The following CASZ1 variants were observed in gnomAD, a reference collection of about 807,000 sequenced individuals.
CASZ1 encodes zinc finger protein castor homolog 1.
A neutral mutation model predicts 135.2 loss-of-function variants in CASZ1; 28 were observed. The ratio of observed to expected loss-of-function variants is 0.21; its 90% CI spans 0.15 to 0.28. The LOEUF is 0.28. CASZ1 is among the 10% of genes least tolerant of loss of function. The pLI, the probability that CASZ1 is intolerant of heterozygous loss-of-function variation, is 1.00. For missense variants in CASZ1, 2,161 were observed against 2,453.3 expected (o/e 0.88, Z 2.52); for synonymous variants, 1,068 against 1,073.4 (o/e 0.99, Z 0.10).
intron 2 of CASZ1, among the ~76,000 whole-genome samples, chr1:10,708,135 G>A (rs1168499112): frequency 1.3e-5 from 2 of 152,220 alleles, no homozygotes; most frequent in African/African-American, 4.8e-5. Context: ...CTGTCCAGAG[G>A]TAGATGGCAA....
At chr1:10,669,837 T>C (rs1643349674) in intron 4 of CASZ1, among the ~76,000 whole-genome samples, 1 of 152,162 alleles carries the variant, frequency 6.6e-6, no homozygotes, top group Admixed American at 6.5e-5. Flanking sequence ...TAATGTGTTC[T>C]GGGGCCGGGC....
In CASZ1 at chr1:10,721,018, GC is replaced by G. The variant is rs1449863438; in HGVS notation, c.-76-15475del. On this transcript the variant is annotated intron_variant, in intron 2 of 20. Coordinates refer to ENST00000377022, the MANE Select transcript of CASZ1 (RefSeq NM_001079843.3). The surrounding 1 kb of genome is among the most constrained non-coding windows in gnomAD (Gnocchi z 5.4). ...GGATTTAAGAGCAAAGCCACAGAGG[GC>G]CCTCATCCTGCCTCCTCGCCCGTAA... Among the ~76,000 whole-genome samples the G allele has an allele frequency of 6.6e-6, 1 of 152,214 alleles. No homozygotes were observed. The highest frequency in any genetic ancestry group is 2.4e-5 in the African/African-American group (1 of 41,462).
At position 10,642,876 on chromosome 1, in the gene CASZ1, T is replaced by C. The variant is rs1198117795; in HGVS notation, c.4145A>G (p.Asn1382Ser). 6.2e-7 allele frequency: 1 copy of C among 1,612,848 alleles called. No homozygotes were observed. Among genetic ancestry groups the C allele is most frequent in the Admixed American group, 1.7e-5 (1 of 60,002 alleles). ...DRSCSSTPVG[N>S]ESTAAGNTIS... ...CCGCTCACCTGCCGCGGTGCTCTCGTTACCCACGGGGGTGCTGGAGCAGCT... is the reference window on the plus strand; with the variant it reads ...CCGCTCACCTGCCGCGGTGCTCTCGCTACCCACGGGGGTGCTGGAGCAGCT... The change falls in exon 20 of 21, where the codon AAC (asparagine) becomes AGC (serine). Residue 1382 changes from asparagine (N) to serine (S), a missense_variant. By Grantham distance (46) the Asn-to-Ser change is conservative (BLOSUM62 1). Coordinates refer to ENST00000377022, the MANE Select transcript of CASZ1 (RefSeq NM_001079843.3).
chr1:10,769,209 CA>C (rs1364132083), intron 1 of CASZ1, among the ~76,000 whole-genome samples: 1 of 152,188 alleles, frequency 6.6e-6, no homozygotes, highest in Non-Finnish European at 1.5e-5. Flanking sequence ...GACCACTATG[CA>C]GCCCTTAAGA....
chr1:10,639,159 T>A lies in CASZ1; in HGVS notation c.5063A>T (p.Glu1688Val). 9.4e-7 allele frequency: 1 copy of A among 1,068,720 alleles called. No homozygotes were observed. The highest frequency in any genetic ancestry group is 1.1e-6 in the Non-Finnish European group (1 of 871,702). The allele number at this position is 1,068,720 out of a possible 1,614,324, so 66.2% of individuals were successfully genotyped here. A position where few individuals can be genotyped will look rare whatever the true frequency, so the allele number is the denominator to read the frequency against. The change falls in exon 21 of 21, where the codon GAG (glutamate) becomes GTG (valine). Residue 1688 changes from glutamate to valine, a missense_variant. Glu to Val is a moderately radical substitution (Grantham distance 121). Around this residue, in one of 7 missense-constraint regions of CASZ1, gnomAD observed 185 missense variants for 134.7 expected, o/e 1.37. Transcript: ENST00000377022. The surrounding 1 kb of genome is among the most constrained non-coding windows in gnomAD (Gnocchi z 4.0). ...EEEELELPEEEAEDDEDEDDD... is the reference protein window; with the variant it reads ...EEEELELPEEVAEDDEDEDDD... ...GTCCTCGTCCTCGTCGTCTTCGGCC[T>A]CCTCCTCCGGCAGCTCCAGCTCCTC...
In CASZ1 at chr1:10,755,509, A is replaced by G. The variant is rs533493816; in HGVS notation, c.-77+5192T>C. Among the ~76,000 whole-genome samples, 133 of 152,128 alleles carry G rather than the reference A, an allele frequency of 8.7e-4. No homozygotes were observed. Among genetic ancestry groups the G allele is most frequent in the African/African-American group, 3.0e-3 (123 of 41,530 alleles). ...ACGGGTTGTCCCATCCTTTGGATCA[A>G]CTGCGTCACCCGCCGAGAAGTCCCC... On this transcript the variant is annotated intron_variant, in intron 2 of 20. Transcript: ENST00000377022. The surrounding 1 kb of genome is among the most constrained non-coding windows in gnomAD (Gnocchi z 4.3).
Position 10,694,584 on chromosome 1 carries a change from C to CCGCCGCCGCCGCCGCCGCCGCCGCCGCCG in CASZ1, c.-23-673_-23-672insCGGCGGCGGCGGCGGCGGCGGCGGCGGCG, listed in dbSNP as rs1638874051. On this transcript the variant is annotated intron_variant, in intron 3 of 20. Transcript: ENST00000377022. This position sits in a 1 kb window ranked among gnomAD's most constrained non-coding sequence, Gnocchi z 6.6. The stretch of plus-strand genomic sequence containing the variant: ...GGCAGGTGAAAGAGCAGAGCGCGGC[C>CCGCCGCCGCCGCCGCCGCCGCCGCCGCCG]CCGCCGCCGCCGCCGCCGCCGCCGC... 7.3e-6 allele frequency: 1 copy of CCGCCGCCGCCGCCGCCGCCGCCGCCGCCG among 137,422 alleles called. No homozygotes were observed. Among genetic ancestry groups the CCGCCGCCGCCGCCGCCGCCGCCGCCGCCG allele is most frequent in the South Asian group, 2.2e-4 (1 of 4,566 alleles). 8.5% of individuals were successfully genotyped at this position (137,422 alleles called of 1,614,324 possible).
chr1:10,737,038 C>A (rs1364821960), intron 2 of CASZ1, among the ~76,000 whole-genome samples: 3 of 152,220 alleles, frequency 2.0e-5, no homozygotes, highest in African/African-American at 7.2e-5. Context: ...CCTTGGCAGT[C>A]CCCTGACCAC....
At chr1:10,641,914 T>C (rs1642212558) in intron 20 of CASZ1, among the ~76,000 whole-genome samples, 1 of 151,796 alleles carries the variant, frequency 6.6e-6, no homozygotes, top group African/African-American at 2.4e-5. Context: ...GGGTGCAGAG[T>C]GGCCCCGTCC....
chr1:10,693,027 G>A (rs1275184746), intron 4 of CASZ1, among the ~76,000 whole-genome samples: 1 of 152,148 alleles, frequency 6.6e-6, no homozygotes, highest in Admixed American at 6.5e-5. Context: ...AGAGCTGAAG[G>A]CAAAAACACT....
At chr1:10,668,850 G>A (rs542169020) in intron 4 of CASZ1, among the ~76,000 whole-genome samples, 2 of 152,270 alleles carry the variant, frequency 1.3e-5, no homozygotes, top group Non-Finnish European at 2.9e-5. Flanking sequence ...CTGAGCCCTG[G>A]GAGGGCCACC....
At chr1:10,692,775 G>C (rs531435105) in intron 4 of CASZ1, among the ~76,000 whole-genome samples, 1 of 152,202 alleles carries the variant, frequency 6.6e-6, no homozygotes. Context: ...TCAGATATCA[G>C]CTCATGGGTC....
rs1163543013 is a variant in CASZ1 at position 10,747,413 on chromosome 1, T to C, written c.-77+13288A>G. ...ACCGTGGCGGAAGCAATGGCTGCCA[T>C]TGAGGGTCTAACAGTGGCCAGGTCC... On this transcript the variant is annotated intron_variant, in intron 2 of 20. Transcript: ENST00000377022. This position sits in a 1 kb window ranked among gnomAD's most constrained non-coding sequence, Gnocchi z 4.3. Among the ~76,000 whole-genome samples the C allele has an allele frequency of 6.6e-6, 1 of 152,108 alleles. No homozygotes were observed. Among genetic ancestry groups the C allele is most frequent in the Admixed American group, 6.5e-5 (1 of 15,282 alleles).
At position 10,739,383 on chromosome 1, in the gene CASZ1, T is replaced by TGAG. The variant is rs746423671; in HGVS notation, c.-77+21315_-77+21317dup. ...GGGCCCGGGCCCAGGGTGGCCACGG[T>TGAG]GAGGAGGAGGAGGACCACATGCGCA... On this transcript the variant is annotated intron_variant, in intron 2 of 20. Transcript: ENST00000377022. This position sits in a 1 kb window ranked among gnomAD's most constrained non-coding sequence, Gnocchi z 4.8. 1.3e-5 allele frequency among the ~76,000 whole-genome samples: 2 copies of TGAG among 151,460 alleles called. No individual in the cohort carries two copies. The highest frequency in any genetic ancestry group is 2.9e-5 in the Non-Finnish European group (2 of 67,824).
intron 6 of CASZ1, 132 bp downstream of exon 6, chr1:10,659,570 G>T: frequency 1.4e-6 from 1 of 702,858 alleles, no homozygotes. Context: ...CACGCGCCTG[G>T]ATGCACAGTG....
rs776077388 is a variant in CASZ1 at position 10,732,343 on chromosome 1, AT to A, written c.-76-26800del. 5.2e-4 allele frequency among the ~76,000 whole-genome samples: 75 copies of A among 145,486 alleles called. 1 individual carries two copies. The highest frequency in any genetic ancestry group is 1.5e-3 in the East Asian group (6 of 3,992). The stretch of plus-strand genomic sequence containing the variant: ...CTCAAAAAAAAAAAAAAAAGAAAAT[AT>A]ATATATATATATTCCACACAAACCA... On this transcript the variant is annotated intron_variant, in intron 2 of 20. Transcript: ENST00000377022.
intron 2 of CASZ1, among the ~76,000 whole-genome samples, chr1:10,715,013 G>T (rs941030937): frequency 2.6e-5 from 4 of 152,188 alleles, no homozygotes; most frequent in Admixed American, 6.5e-5. Context: ...CTTGGTCCAG[G>T]TTCCCTTCCT....
chr1:10,658,451 C>T (rs763757444), intron 7 of CASZ1, 57 bp downstream of exon 7: 30 of 1,442,808 alleles, frequency 2.1e-5, no homozygotes, highest in Middle Eastern at 3.5e-4. Context: ...TCAGAGTGCC[C>T]GGTCAGTCCT....
chr1:10,653,270 C>A, intron 11 of CASZ1, 107 bp downstream of exon 11: 2 of 1,149,008 alleles, frequency 1.7e-6, no homozygotes, highest in Admixed American at 1.8e-5. Context: ...AGGGGCCACA[C>A]GGACACTTCT....
Sources: gnomAD v4.1 joint callset for allele counts (sites outside exome capture counted in the v4.1 genomes callset) on GRCh38, gnomAD v4.1.1 for gene constraint, gnomAD v4.1.1 regional missense constraint, Gnocchi (gnomAD v3.1) non-coding constraint, MANE v1.5 for transcripts, NCBI Gene and HGNC (gene_info 2026-07-23, HGNC 2026-07-21) for gene names.